The following KHSRP variants were observed in gnomAD, a reference collection of about 807,000 sequenced individuals.
KHSRP encodes the protein KH-type splicing regulatory protein.
Under a neutral mutation model 94.9 loss-of-function variants are expected in KHSRP, and 13 were observed. The ratio of observed to expected loss-of-function variants is 0.14; its 90% confidence interval spans 0.09 to 0.22. The LOEUF (loss-of-function observed/expected upper bound fraction) is 0.22, where lower values mean the gene tolerates loss of function less well. KHSRP is among the 10% of genes least tolerant of loss of function. KHSRP has a pLI of 1.00. For synonymous variants in KHSRP, 495 were observed against 401.4 expected, an observed-to-expected ratio of 1.23 and a Z score of -2.79; for missense variants, 710 against 1,010.0, an observed-to-expected ratio of 0.70 and a Z score of 4.03.
rs2092220475 is a variant in KHSRP, at chr19:6,424,541, G to A, written c.161C>T (p.Ser54Leu). The change falls in exon 1 of 19, where the codon TCG becomes TTG. Residue 54 changes from serine (S) to leucine (L), a missense_variant. By Grantham distance (145) the Ser-to-Leu change is moderately radical. Around this residue, in one of 5 missense-constraint regions of KHSRP, gnomAD observed 92 missense variants for 80.8 expected, o/e 1.14. Transcript: ENST00000600480. Reference protein sequence around the residue: ...GPGGGGPGGGSAGGPSQPPGG... With the variant: ...GPGGGGPGGGLAGGPSQPPGG... ...GGGTGGCTGAGAGGGGCCCCCGGCC[G>A]ACCCCCCGCCCGGGCCGCCGCCGCC... 2 of 976,712 alleles carry A rather than the reference G, an allele frequency of 2.0e-6. No homozygotes were observed. Among genetic ancestry groups the A allele is most frequent in the East Asian group, 1.2e-4 (1 of 8,618 alleles). 60.5% of individuals were successfully genotyped at this position (976,712 alleles called of 1,614,324 possible). A position where few individuals can be genotyped will look rare whatever the true frequency, so the allele number is the denominator to read the frequency against.
chr19:6,415,008 G>GC lies in KHSRP; in HGVS notation c.*15dup. 3 of 1,455,016 alleles carry GC rather than the reference G, an allele frequency of 2.1e-6. No homozygotes were observed. The highest frequency in any genetic ancestry group is 1.8e-6 in the Non-Finnish European group (2 of 1,111,082). 90.1% of individuals were successfully genotyped at this position (1,455,016 alleles called of 1,614,324 possible). On this transcript the variant is annotated 3_prime_UTR_variant, in exon 19 of 19. Transcript: ENST00000600480. ...ACTCCCGGAGACCTCCGGCCACACG[G>GC]CCCCCGCTGCAGGCATCAAGGGCAC...
rs1009533867 is a variant in KHSRP at position 6,418,653 on chromosome 19, G to A, written c.780+49C>T. ...CCTGGGCTGCTGTGGTGGTGGCGGT[G>A]GGGTGTGGCACACGGATGCAGAGGA... is the stretch of plus-strand genomic sequence containing the variant. On this transcript the variant is annotated intron_variant, in intron 8 of 18. Transcript: ENST00000600480. The surrounding 1 kb of genome is among the most constrained non-coding windows in gnomAD (Gnocchi z 4.3). The A allele has an allele frequency of 2.5e-6, 4 of 1,613,116 alleles. No homozygotes were observed. The highest frequency in any genetic ancestry group is 3.4e-6 in the Non-Finnish European group (4 of 1,179,118).
Position 6,416,817 on chromosome 19 carries a change from GCCTCTT to G in KHSRP, c.1242_1247del (p.Arg415_Gly416del), listed in dbSNP as rs747410008. On this transcript the variant is annotated inframe_deletion, in exon 13 of 19. Transcript: ENST00000600480. The stretch of plus-strand genomic sequence containing the variant: ...CGCCAGGGGGACCCCAATTGCCTTG[GCCTCTT>G]CCTCGGCCTCGGCCCCCCGGGGGCA... The G allele has an allele frequency of 6.3e-7, 1 of 1,589,426 alleles. No individual in the cohort carries two copies.
intron 3 of KHSRP, 112 bp downstream of exon 3, chr19:6,421,538 C>A: frequency 8.2e-7 from 1 of 1,221,926 alleles, no homozygotes. Context: ...CAGAATGAAG[C>A]ACCAGGGGCC....
chr19:6,422,431 T>C lies in KHSRP; in HGVS notation c.255A>G (p.Ala85=), dbSNP rs1404485746. 6.2e-7 allele frequency: 1 copy of C among 1,613,220 alleles called. No homozygotes were observed. Among genetic ancestry groups the C allele is most frequent in the South Asian group, 1.1e-5 (1 of 91,074 alleles). Residue 85 remains alanine, a synonymous_variant, in exon 2 of 19, where the codon GCA becomes GCG. Coordinates refer to ENST00000600480, the MANE Select transcript of KHSRP (RefSeq NM_001366299.1). Reference sequence around the variant, plus strand: ...TGGCAGCATCGCCTCCAATTTTGGCTGCAATCTAGAATAAAGTAGTAAGCA... The same window carrying C: ...TGGCAGCATCGCCTCCAATTTTGGCCGCAATCTAGAATAAAGTAGTAAGCA... ...ADAVQRARQI[A]AKIGGDAATT...
chr19:6,414,163 G>C lies in KHSRP; in HGVS notation c.*861C>G. The C allele has an allele frequency of 1.1e-6, 1 of 939,786 alleles. No individual in the cohort carries two copies. Among genetic ancestry groups the C allele is most frequent in the Non-Finnish European group, 1.6e-6 (1 of 615,956 alleles). The allele number at this position is 939,786 out of a possible 1,614,324, so 58.2% of individuals were successfully genotyped here. Reference sequence around the variant, plus strand: ...ATAGGAATTGGTCACTACGGGGAGGGAAGGGTGGGAGACTAGGGGGCGGAA... The same window carrying C: ...ATAGGAATTGGTCACTACGGGGAGGCAAGGGTGGGAGACTAGGGGGCGGAA... On this transcript the variant is annotated 3_prime_UTR_variant, in exon 19 of 19. Transcript: ENST00000600480.
rs1435113569 is a variant in KHSRP, at chr19:6,413,491, G to A, written c.*1533C>T. 1 of 375,296 alleles carries A rather than the reference G, an allele frequency of 2.7e-6. No homozygotes were observed. Among genetic ancestry groups the A allele is most frequent in the Non-Finnish European group, 5.4e-6 (1 of 185,172 alleles). The allele number at this position is 375,296 out of a possible 1,614,324, so 23.2% of individuals were successfully genotyped here. ...TGAAAAGACAACAGACCAGTCCTGG[G>A]AGGGGGGACGGGCGGGGCCGCGGGA... On this transcript the variant is annotated 3_prime_UTR_variant, in exon 19 of 19. Transcript: ENST00000600480.
At position 6,413,983 on chromosome 19, in the gene KHSRP, C is replaced by T. The variant is rs373157908; in HGVS notation, c.*1041G>A. Reference sequence around the variant, plus strand: ...CCCAAGTCCCCCCCACCCTGCTTGCCGCGAGGGCTCCCCAGTACTCCCCAC... The same window carrying T: ...CCCAAGTCCCCCCCACCCTGCTTGCTGCGAGGGCTCCCCAGTACTCCCCAC... On this transcript the variant is annotated 3_prime_UTR_variant, in exon 19 of 19. Coordinates refer to ENST00000600480, the MANE Select transcript of KHSRP (RefSeq NM_001366299.1). 38 of 1,311,334 alleles carry T rather than the reference C, an allele frequency of 2.9e-5. No individual in the cohort carries two copies. The highest frequency in any genetic ancestry group is 2.6e-4 in the African/African-American group (17 of 66,584). 81.2% of individuals were successfully genotyped at this position (1,311,334 alleles called of 1,614,324 possible).
chr19:6,417,865 A>G (rs1273721991), intron 10 of KHSRP, 24 bp from the exon 11 acceptor site: 1 of 1,609,788 alleles, frequency 6.2e-7, no homozygotes, highest in Non-Finnish European at 8.5e-7. Context: ...CAGCAGCGTC[A>G]GCTCGGCCCG....
intron 4 of KHSRP, among the ~76,000 whole-genome samples, 193 bp from the exon 5 acceptor site, chr19:6,420,664 C>T (rs1382151616): frequency 6.6e-6 from 1 of 152,264 alleles, no homozygotes; most frequent in African/African-American, 2.4e-5. Flanking sequence ...GGGCCTTGGC[C>T]TGGTGCCGTC....
At chr19:6,419,118 GT>G in intron 7 of KHSRP, 84 bp downstream of exon 7, 1 of 1,351,714 alleles carries the variant, frequency 7.4e-7, no homozygotes, top group South Asian at 1.3e-5. Context: ...TGGCGTGCAA[GT>G]TGCTCCCAAC....
rs2092149479 is a variant in KHSRP, at chr19:6,416,731, C to T, written c.1327+7G>A. On this transcript the variant is annotated splice_region_variant and intron_variant, in intron 13 of 18. Coordinates refer to ENST00000600480, the MANE Select transcript of KHSRP (RefSeq NM_001366299.1). ...GCAAGGGATAGGGTGCAGGGGGCCACACTCACCTCGGCCGATGACCAGCCC... is the reference window on the plus strand; with the variant it reads ...GCAAGGGATAGGGTGCAGGGGGCCATACTCACCTCGGCCGATGACCAGCCC... 4 of 1,603,242 alleles carry T rather than the reference C, an allele frequency of 2.5e-6. No individual in the cohort carries two copies. Among genetic ancestry groups the T allele is most frequent in the Non-Finnish European group, 3.4e-6 (4 of 1,173,284 alleles).
At chr19:6,423,148 G>A (rs957002949) in intron 1 of KHSRP, among the ~76,000 whole-genome samples, 15 of 152,126 alleles carry the variant, frequency 9.9e-5, no homozygotes, top group Admixed American at 1.3e-4. Flanking sequence ...GTGTGGTGGT[G>A]CACACTTATA....
At position 6,414,391 on chromosome 19, in the gene KHSRP, G is replaced by C; in HGVS notation, c.*633C>G. ...CGCGGAGGGCGGAGGCGCTAGGGTC[G>C]TAGGGGAGCTGCCCTGTCTCCGGAG... On this transcript the variant is annotated 3_prime_UTR_variant, in exon 19 of 19. Coordinates refer to ENST00000600480, the MANE Select transcript of KHSRP (RefSeq NM_001366299.1). 14 of 1,311,956 alleles carry C rather than the reference G, an allele frequency of 1.1e-5. No homozygotes were observed. Among genetic ancestry groups the C allele is most frequent in the Non-Finnish European group, 1.4e-5 (14 of 1,029,594 alleles). 81.3% of individuals were successfully genotyped at this position (1,311,956 alleles called of 1,614,324 possible). A position where few individuals can be genotyped will look rare whatever the true frequency, so the allele number is the denominator to read the frequency against.
chr19:6,421,382 C>A, intron 3 of KHSRP, 65 bp from the exon 4 acceptor site: 1 of 1,518,756 alleles, frequency 6.6e-7, no homozygotes, highest in Non-Finnish European at 9.0e-7. Flanking sequence ...GCACTGCCTG[C>A]CCCGGGTCAG....
Position 6,424,743 on chromosome 19 carries a change from G to A in KHSRP, c.-42C>T. The A allele has an allele frequency of 1.1e-6, 1 of 947,876 alleles. No individual in the cohort carries two copies. Among genetic ancestry groups the A allele is most frequent in the African/African-American group, 1.8e-5 (1 of 56,564 alleles). The allele number at this position is 947,876 out of a possible 1,614,324, so 58.7% of individuals were successfully genotyped here. A position where few individuals can be genotyped will look rare whatever the true frequency, so the allele number is the denominator to read the frequency against. Reference sequence around the variant, plus strand: ...GCCTGGCGCGGAGGCTGAAGCTGAGGAGGCGGCGGCGGCGGCGGCGGCTCA... The same window carrying A: ...GCCTGGCGCGGAGGCTGAAGCTGAGAAGGCGGCGGCGGCGGCGGCGGCTCA... On this transcript the variant is annotated 5_prime_UTR_variant, in exon 1 of 19. Transcript: ENST00000600480.
chr19:6,419,969 G>A (rs975175272), intron 6 of KHSRP, 104 bp downstream of exon 6: 2 of 868,772 alleles, frequency 2.3e-6, no homozygotes, highest in Non-Finnish European at 3.7e-6. Flanking sequence ...ACAAGCGCCA[G>A]CTCGCTTCCT....
intron 2 of KHSRP, among the ~76,000 whole-genome samples, 197 bp downstream of exon 2, chr19:6,422,143 C>G (rs975283258): frequency 6.6e-6 from 1 of 152,206 alleles, no homozygotes; most frequent in Admixed American, 6.5e-5. Context: ...CAGTCACAAT[C>G]AATCTGCCCT....
At chr19:6,422,188 G>A (rs1469537276) in intron 2 of KHSRP, among the ~76,000 whole-genome samples, 152 bp downstream of exon 2, 1 of 152,092 alleles carries the variant, frequency 6.6e-6, no homozygotes, top group Non-Finnish European at 1.5e-5. Context: ...GATGGCAGAC[G>A]GAACAAGAAG....
Sources: gnomAD v4.1 joint callset for allele counts (sites outside exome capture counted in the v4.1 genomes callset) on GRCh38, gnomAD v4.1.1 for gene constraint, gnomAD v4.1.1 regional missense constraint, Gnocchi (gnomAD v3.1) non-coding constraint, MANE v1.5 for transcripts, NCBI Gene and HGNC (gene_info 2026-07-23, HGNC 2026-07-21) for gene names.